The following SEMA6D variants were observed in gnomAD, a reference collection of about 807,000 sequenced individuals.
The protein encoded by SEMA6D is semaphorin-6D.
SEMA6D carries 35 observed loss-of-function variants against 106.6 expected under a neutral mutation model. The observed-to-expected ratio is 0.33, with a 90% CI of 0.25 to 0.44. The LOEUF (loss-of-function observed/expected upper bound fraction) is 0.44. Among genes scored for constraint, SEMA6D ranks in the 20% least tolerant of loss-of-function variants. SEMA6D has a pLI of 1.00. For synonymous variants in SEMA6D, 499 were observed against 487.7 expected, an observed-to-expected ratio of 1.02 and a Z score of -0.31; for missense variants, 1,185 against 1,345.9, an observed-to-expected ratio of 0.88 and a Z score of 1.87.
intron 1 of SEMA6D, among the ~76,000 whole-genome samples, chr15:47,352,919 G>C (rs1404850315): frequency 6.6e-6 from 1 of 152,150 alleles, no homozygotes; most frequent in Non-Finnish European, 1.5e-5. Context: ...TCATGAAACG[G>C]TTGTTGAATG....
intron 1 of SEMA6D, among the ~76,000 whole-genome samples, chr15:47,297,321 C>A (rs1444430268): frequency 6.6e-6 from 1 of 152,232 alleles, no homozygotes; most frequent in East Asian, 1.9e-4. Flanking sequence ...TAGTTTCTTG[C>A]ACAGGATTTC....
At chr15:47,509,575 G>T (rs1410360336) in intron 3 of SEMA6D, among the ~76,000 whole-genome samples, 2 of 152,116 alleles carry the variant, frequency 1.3e-5, no homozygotes, top group African/African-American at 4.8e-5. Context: ...TGGTATCCTT[G>T]TATCTCCATA....
At chr15:47,510,579 T>G in intron 3 of SEMA6D, among the ~76,000 whole-genome samples, 1 of 150,880 alleles carries the variant, frequency 6.6e-6, no homozygotes, top group Admixed American at 6.6e-5. Flanking sequence ...TCTGAAGGAG[T>G]TTTCAATTCA....
At chr15:47,225,116 G>A (rs1403499366) in intron 1 of SEMA6D, among the ~76,000 whole-genome samples, 1 of 151,880 alleles carries the variant, frequency 6.6e-6, no homozygotes, top group Non-Finnish European at 1.5e-5. Flanking sequence ...CACTGGGAAT[G>A]TCACCAACTC....
intron 4 of SEMA6D, among the ~76,000 whole-genome samples, chr15:47,627,200 G>A: frequency 6.6e-6 from 1 of 152,098 alleles, no homozygotes; most frequent in Non-Finnish European, 1.5e-5. Flanking sequence ...TGGGAGGAAG[G>A]ATAAGGAAAC....
At chr15:47,314,849 CTTTTTTTTTTTTTT>C (rs1173992222) in intron 1 of SEMA6D, among the ~76,000 whole-genome samples, 4 of 83,920 alleles carry the variant, frequency 4.8e-5, no homozygotes, top group African/African-American at 1.6e-4. Context: ...TCTAGGTTTT[CTTTTTTTTTTTTTT>C]TTTTTTTTTT....
At chr15:47,561,603 T>C (rs183815505) in intron 3 of SEMA6D, among the ~76,000 whole-genome samples, 15 of 151,506 alleles carry the variant, frequency 9.9e-5, no homozygotes, top group Admixed American at 5.9e-4. Context: ...TATAGGATAT[T>C]TTAAATATAG....
chr15:47,263,182 G>GA (rs1405774145), intron 1 of SEMA6D, among the ~76,000 whole-genome samples: 1 of 151,958 alleles, frequency 6.6e-6, no homozygotes, highest in Non-Finnish European at 1.5e-5. Flanking sequence ...GCAACAAAAA[G>GA]AAAAATTAAC....
At chr15:47,469,952 A>C (rs76839774) in intron 2 of SEMA6D, among the ~76,000 whole-genome samples, 6,742 of 152,196 alleles carry the variant, frequency 0.044, 395 homozygotes, top group African/African-American at 0.14. Context: ...TTGTATACTA[A>C]TCACAACTTG....
chr15:47,253,688 C>T lies in SEMA6D; in HGVS notation c.-239+69270C>T, dbSNP rs546866025. ...GGCTGTGGATTTGTTTCTGAGTTCT[C>T]TATTCTATCCCATTGGTCTATGTGT... On this transcript the variant is annotated intron_variant, in intron 1 of 19. Coordinates refer to the SEMA6D transcript ENST00000558014. Among the ~76,000 whole-genome samples, 7 of 152,256 alleles carry T rather than the reference C, an allele frequency of 4.6e-5. No homozygotes were observed. In the South Asian group the frequency reaches 1.4e-3, roughly 32 times the overall value.
At chr15:47,382,493 C>G (rs968535051) in intron 1 of SEMA6D, among the ~76,000 whole-genome samples, 2 of 151,874 alleles carry the variant, frequency 1.3e-5, no homozygotes, top group South Asian at 4.2e-4. Context: ...GGTGACAGAG[C>G]GAGACTCCGT....
chr15:47,655,144 A>G (rs1165281374), intron 4 of SEMA6D, among the ~76,000 whole-genome samples: 1 of 152,206 alleles, frequency 6.6e-6, no homozygotes, highest in African/African-American at 2.4e-5. Flanking sequence ...TTGATCTCTT[A>G]CTGAAGAAGA....
intron 1 of SEMA6D, among the ~76,000 whole-genome samples, chr15:47,227,491 TTTC>T (rs200152099): frequency 0.019 from 2,862 of 147,846 alleles, 101 homozygotes; most frequent in African/African-American, 0.068. Context: ...TTTTTCTTTC[TTTC>T]TTTTTTTCTT....
At chr15:47,603,251 CCA>C (rs1317462712) in intron 4 of SEMA6D, 3 of 152,162 alleles carry the variant, frequency 2.0e-5, no homozygotes, top group Non-Finnish European at 4.4e-5. Flanking sequence ...TCTCAGAAGC[CCA>C]CACCCTGGCT....
At chr15:47,416,141 A>T (rs114839653) in intron 2 of SEMA6D, among the ~76,000 whole-genome samples, 1,677 of 152,190 alleles carry the variant, frequency 0.011, 32 homozygotes, top group African/African-American at 0.038. Flanking sequence ...CATTGTGGAG[A>T]TACTTACTTG....
At chr15:47,408,727 G>C (rs372614072) in intron 1 of SEMA6D, among the ~76,000 whole-genome samples, 33 of 152,304 alleles carry the variant, frequency 2.2e-4, no homozygotes, top group African/African-American at 7.5e-4. Context: ...GATGCTGTTA[G>C]GTTTAACGAA....
intron 1 of SEMA6D, chr15:47,393,314 ATACT>A (rs1319448595): frequency 2.6e-5 from 4 of 152,210 alleles, no homozygotes; most frequent in African/African-American, 4.8e-5. Context: ...ACTTGACATC[ATACT>A]TACTTAAGGA....
chr15:47,692,681 G>T (rs2078614863), intron 4 of SEMA6D, among the ~76,000 whole-genome samples: 1 of 152,164 alleles, frequency 6.6e-6, no homozygotes, highest in South Asian at 2.1e-4. Context: ...TTTTCTTGGG[G>T]TCTGTTTGCA....
chr15:47,207,603 G>C (rs1457322652), intron 1 of SEMA6D, among the ~76,000 whole-genome samples: 1 of 152,150 alleles, frequency 6.6e-6, no homozygotes, highest in South Asian at 2.1e-4. Flanking sequence ...TTCATGGTTT[G>C]AGAAGAGGAT....
Sources: allele counts gnomAD v4.1 joint callset (sites outside exome capture counted in the v4.1 genomes callset), GRCh38; gene constraint gnomAD v4.1.1; transcripts MANE v1.5; gene names NCBI Gene and HGNC (gene_info 2026-07-23, HGNC 2026-07-21).